Variants in TBC1D8 observed in about 807,000 individuals in gnomAD.
The protein encoded by TBC1D8 is TBC1 domain family member 8.
Under a neutral mutation model 118.8 loss-of-function variants are expected in TBC1D8, and 65 were observed. That is an observed-to-expected ratio of 0.55 (90% CI 0.45 to 0.67). The LOEUF (loss-of-function observed/expected upper bound fraction) is 0.67. Ranked by LOEUF, TBC1D8 falls within the 30% of genes least tolerant of loss-of-function variation. TBC1D8 has a pLI of 0.00. For synonymous variants in TBC1D8, 566 were observed against 595.8 expected (o/e 0.95, Z 0.73); for missense variants, 1,376 against 1,471.2 (o/e 0.94, Z 1.06).
At chr2:101,048,077 C>G (rs1018754741) in intron 5 of TBC1D8, among the ~76,000 whole-genome samples, 2 of 152,196 alleles carry the variant, frequency 1.3e-5, no homozygotes, top group African/African-American at 4.8e-5. Context: ...TGCAACTACA[C>G]GGTTGCACTC....
At chr2:101,127,062 C>T (rs1171457615) in intron 1 of TBC1D8, among the ~76,000 whole-genome samples, 1 of 152,270 alleles carries the variant, frequency 6.6e-6, no homozygotes, top group South Asian at 2.1e-4. Context: ...CCTGGCCAGG[C>T]GCAGTGGTTG....
chr2:101,044,906 GC>G (rs781255102), intron 5 of TBC1D8, among the ~76,000 whole-genome samples: 11 of 152,066 alleles, frequency 7.2e-5, no homozygotes, highest in Non-Finnish European at 1.0e-4. Context: ...CCACCACCAT[GC>G]CCAGCTAATT....
chr2:101,139,957 G>C (rs994675117), intron 1 of TBC1D8, among the ~76,000 whole-genome samples: 1 of 152,162 alleles, frequency 6.6e-6, no homozygotes, highest in Non-Finnish European at 1.5e-5. Context: ...CTGCATGACA[G>C]CACAGGGCCT....
At chr2:101,047,919 G>C (rs1222118985) in intron 5 of TBC1D8, among the ~76,000 whole-genome samples, 3 of 152,232 alleles carry the variant, frequency 2.0e-5, no homozygotes, top group African/African-American at 7.2e-5. Context: ...GACCTTCAAT[G>C]TATTCTTTCC....
intron 1 of TBC1D8, among the ~76,000 whole-genome samples, chr2:101,150,017 C>T (rs1679487251): frequency 6.6e-6 from 1 of 152,222 alleles, no homozygotes; most frequent in African/African-American, 2.4e-5. Context: ...AACTCCCACC[C>T]ACTCACCCGG....
At chr2:101,035,234 C>T (rs1022281877) in intron 9 of TBC1D8, among the ~76,000 whole-genome samples, 4 of 152,152 alleles carry the variant, frequency 2.6e-5, no homozygotes, top group Non-Finnish European at 5.9e-5. Flanking sequence ...CCTGGCCTCC[C>T]ACAGCACCCT....
At chr2:101,119,429 C>T (rs1678003328) in intron 1 of TBC1D8, among the ~76,000 whole-genome samples, 2 of 152,202 alleles carry the variant, frequency 1.3e-5, no homozygotes, top group Non-Finnish European at 2.9e-5. Context: ...CATCTCTACT[C>T]CTTTGCTTCC....
chr2:101,101,841 G>A (rs34892253), intron 1 of TBC1D8, among the ~76,000 whole-genome samples: 23,273 of 151,922 alleles, frequency 0.15, 1,939 homozygotes, highest in Middle Eastern at 0.25. Flanking sequence ...TGGGAGTTGA[G>A]CAATGAGAAC....
chr2:101,128,648 C>G (rs146776256), intron 1 of TBC1D8, among the ~76,000 whole-genome samples: 1 of 152,222 alleles, frequency 6.6e-6, no homozygotes, highest in Non-Finnish European at 1.5e-5. Flanking sequence ...CCTGTTTTCA[C>G]GGCAGCATTA....
intron 1 of TBC1D8, among the ~76,000 whole-genome samples, chr2:101,100,548 T>C (rs1231481036): frequency 1.3e-5 from 2 of 152,194 alleles, no homozygotes; most frequent in South Asian, 4.1e-4. Flanking sequence ...AGACCCCATA[T>C]AGCCAAGACA....
intron 2 of TBC1D8, among the ~76,000 whole-genome samples, chr2:101,060,307 A>G (rs1682686586): frequency 6.6e-6 from 1 of 152,228 alleles, no homozygotes; most frequent in South Asian, 2.1e-4. Flanking sequence ...AAGTCCACGG[A>G]GGAATGAGCC....
intron 2 of TBC1D8, among the ~76,000 whole-genome samples, chr2:101,072,995 A>G (rs1244495248): frequency 1.3e-5 from 2 of 152,220 alleles, no homozygotes; most frequent in Non-Finnish European, 1.5e-5. Context: ...TCAGTAAATC[A>G]TGCTATAAAC....
chr2:101,037,752 G>A (rs76771935), intron 7 of TBC1D8, 44 bp from the exon 8 acceptor site: 1 of 1,604,572 alleles, frequency 6.2e-7, no homozygotes, highest in Non-Finnish European at 8.5e-7. Context: ...GAGGAGAGGA[G>A]AAAATCATGG....
chr2:101,144,894 C>T (rs1204836203), intron 1 of TBC1D8, among the ~76,000 whole-genome samples: 7 of 152,154 alleles, frequency 4.6e-5, no homozygotes, highest in South Asian at 2.1e-4. Context: ...GCCAAGATCA[C>T]GCCACTGCAC....
intron 1 of TBC1D8, among the ~76,000 whole-genome samples, chr2:101,106,262 A>C (rs1677207461): frequency 6.6e-6 from 1 of 152,234 alleles, no homozygotes; most frequent in South Asian, 2.1e-4. Context: ...AGTGAAAACT[A>C]TTCTGTATAA....
At chr2:101,048,807 T>A (rs1450414860) in intron 5 of TBC1D8, among the ~76,000 whole-genome samples, 1 of 152,108 alleles carries the variant, frequency 6.6e-6, no homozygotes, top group Non-Finnish European at 1.5e-5. Context: ...ACTTGGCATG[T>A]CATCCAGCCC....
At chr2:101,011,078 A>G in intron 18 of TBC1D8, 52 bp from the exon 19 acceptor site, 3 of 1,557,228 alleles carry the variant, frequency 1.9e-6, no homozygotes, top group Non-Finnish European at 2.6e-6. Flanking sequence ...ATTCAGTGAC[A>G]GCAAAAAGGA....
intron 11 of TBC1D8, among the ~76,000 whole-genome samples, chr2:101,030,148 A>G (rs1416995061): frequency 1.3e-5 from 2 of 152,234 alleles, no homozygotes; most frequent in Non-Finnish European, 2.9e-5. Flanking sequence ...CTTATGACAT[A>G]AAAAGTACTA....
intron 1 of TBC1D8, among the ~76,000 whole-genome samples, chr2:101,115,144 G>GAGAAT (rs1558715812): frequency 6.6e-6 from 1 of 152,078 alleles, no homozygotes; most frequent in African/African-American, 2.4e-5. Context: ...CTCTCTCTAA[G>GAGAAT]GCTATCACAC....
Sources: allele counts gnomAD v4.1 joint callset (sites outside exome capture counted in the v4.1 genomes callset), GRCh38; gene constraint gnomAD v4.1.1; transcripts MANE v1.5; gene names NCBI Gene and HGNC (gene_info 2026-07-23, HGNC 2026-07-21).